ORC4: variants seen among roughly 807,000 people sequenced by gnomAD.
ORC4 encodes origin recognition complex subunit 4, also known as origin recognition complex, subunit 4 homolog.
ORC4 carries 55 observed loss-of-function variants against 63.9 expected under a neutral mutation model. That is an observed-to-expected ratio of 0.86 (90% CI 0.69 to 1.08). ORC4 has a LOEUF of 1.08. Ranked by LOEUF, ORC4 falls within the 50% of genes least tolerant of loss-of-function variation. The probability of loss-of-function intolerance (pLI) is 0.00; values close to 1 mark genes in which losing one functional copy is unlikely to be tolerated. For synonymous variants in ORC4, 150 were observed against 168.5 expected (o/e 0.89, Z 0.85); for missense variants, 511 against 504.4 (o/e 1.01, Z -0.13).
upstream of ORC4, chr2:148,021,407 G>C: frequency 1.9e-6 from 1 of 523,140 alleles, no homozygotes; most frequent in Non-Finnish European, 3.7e-6. Flanking sequence ...GGCCGTGAGA[G>C]GAGGAGAGAA....
intron 9 of ORC4, among the ~76,000 whole-genome samples, chr2:147,945,528 G>T (rs531503022): frequency 6.6e-6 from 1 of 152,148 alleles, no homozygotes; most frequent in Admixed American, 6.6e-5. Context: ...ACAGTACTTT[G>T]GGAGATTTCA....
chr2:147,967,872 G>A (rs1689988881), intron 4 of ORC4, among the ~76,000 whole-genome samples: 1 of 152,056 alleles, frequency 6.6e-6, no homozygotes, highest in African/African-American at 2.4e-5. Context: ...TAAGGCTGGA[G>A]TCAACATACT....
At chr2:147,938,248 A>G (rs1688165672) in intron 12 of ORC4, 35 bp from the exon 13 acceptor site, 3 of 1,596,254 alleles carry the variant, frequency 1.9e-6, no homozygotes, top group East Asian at 2.2e-5. Context: ...TATACCTTCA[A>G]ATAAGCAGTG....
At chr2:147,939,280 G>T in intron 10 of ORC4, 32 bp from the exon 11 acceptor site, 1 of 1,350,156 alleles carries the variant, frequency 7.4e-7, no homozygotes, top group Non-Finnish European at 1.1e-6. Context: ...AAACAATTAC[G>T]TATTTACATG....
At chr2:147,997,854 G>A (rs114218781) in intron 1 of ORC4, among the ~76,000 whole-genome samples, 1,836 of 152,156 alleles carry the variant, frequency 0.012, 43 homozygotes, top group African/African-American at 0.042. Context: ...ATTTCTAAGT[G>A]TAAATTATGA....
intron 1 of ORC4, among the ~76,000 whole-genome samples, chr2:148,017,788 T>C (rs1410627440): frequency 1.3e-5 from 2 of 152,234 alleles, no homozygotes; most frequent in East Asian, 3.8e-4. Flanking sequence ...CTGAATCAAG[T>C]GTCAGTTTTT....
At chr2:148,006,308 T>TA (rs1692625192) in intron 1 of ORC4, among the ~76,000 whole-genome samples, 1 of 89,764 alleles carries the variant, frequency 1.1e-5, no homozygotes, top group African/African-American at 5.8e-5. Flanking sequence ...AGAGAAATCC[T>TA]CCCCCCAAGG....
At chr2:147,953,485 A>G (rs1689077418) in intron 7 of ORC4, among the ~76,000 whole-genome samples, 1 of 152,226 alleles carries the variant, frequency 6.6e-6, no homozygotes, top group South Asian at 2.1e-4. Context: ...AAACACTTTA[A>G]GATTAAAATA....
chr2:148,016,501 C>T (rs188046215), intron 1 of ORC4, among the ~76,000 whole-genome samples: 56 of 152,284 alleles, frequency 3.7e-4, no homozygotes, highest in African/African-American at 1.3e-3. Flanking sequence ...ACTGCACAAC[C>T]AACACTTCAA....
chr2:147,972,164 C>G (rs1196285131), intron 4 of ORC4, among the ~76,000 whole-genome samples: 1 of 151,990 alleles, frequency 6.6e-6, no homozygotes, highest in African/African-American at 2.4e-5. Flanking sequence ...GTAAGAATAT[C>G]TTTTTGAGGT....
At chr2:148,015,372 T>A (rs1573906819) in intron 1 of ORC4, among the ~76,000 whole-genome samples, 2 of 143,644 alleles carry the variant, frequency 1.4e-5, no homozygotes. Flanking sequence ...TGGGCTGCAG[T>A]GGCGCGATCT....
At chr2:148,016,246 T>C (rs192979346) in intron 1 of ORC4, among the ~76,000 whole-genome samples, 3 of 152,278 alleles carry the variant, frequency 2.0e-5, no homozygotes, top group African/African-American at 4.8e-5. Context: ...ACCAGCTCAG[T>C]GGCTGGACCG....
chr2:147,943,039 T>C (rs1245079876), intron 10 of ORC4, among the ~76,000 whole-genome samples: 1 of 152,144 alleles, frequency 6.6e-6, no homozygotes, highest in Non-Finnish European at 1.5e-5. Flanking sequence ...AAATTAAATA[T>C]TGGTATACAC....
intron 4 of ORC4, among the ~76,000 whole-genome samples, chr2:147,972,012 G>C (rs1436023812): frequency 6.6e-6 from 1 of 151,920 alleles, no homozygotes; most frequent in Non-Finnish European, 1.5e-5. Context: ...GTCAAAAATT[G>C]AAATTTATTG....
intron 1 of ORC4, among the ~76,000 whole-genome samples, chr2:147,991,181 G>A (rs1691568255): frequency 6.6e-6 from 1 of 151,656 alleles, no homozygotes; most frequent in Admixed American, 6.6e-5. Context: ...CTGAGTAGCT[G>A]GGATTACAGG....
chr2:148,006,986 T>G lies in ORC4; in HGVS notation c.-18+13647A>C, dbSNP rs79626818. The stretch of plus-strand genomic sequence containing the variant: ...GACTCTGCCTGGTAACCCAGGGAAT[T>G]CTCCCAATTATCTTCCCAAGTCCAT... On this transcript the variant is annotated intron_variant, in intron 1 of 13. Coordinates refer to ENST00000392857, the MANE Select transcript of ORC4 (RefSeq NM_181741.4). 4.6e-3 allele frequency among the ~76,000 whole-genome samples: 696 copies of G among 152,306 alleles called. 3 individuals are homozygous for G. Among genetic ancestry groups the G allele is most frequent in the African/African-American group, 0.016 (648 of 41,564 alleles).
intron 1 of ORC4, among the ~76,000 whole-genome samples, chr2:147,996,571 C>A (rs951396212): frequency 6.6e-6 from 1 of 152,122 alleles, no homozygotes; most frequent in Admixed American, 6.5e-5. Flanking sequence ...AAGAACTCAA[C>A]AAGGAAATAA....
chr2:147,951,479 G>A (rs1424300224), intron 8 of ORC4: 1 of 152,140 alleles, frequency 6.6e-6, no homozygotes, highest in African/African-American at 2.4e-5. Context: ...GGATAGATTA[G>A]TTCTTGAGAC....
intron 7 of ORC4, among the ~76,000 whole-genome samples, chr2:147,953,228 T>G (rs1322312136): frequency 6.7e-6 from 1 of 150,326 alleles, no homozygotes; most frequent in Non-Finnish European, 1.5e-5. Flanking sequence ...TCTCTTGAAC[T>G]GCGGAGGCAG....
Sources: gnomAD v4.1 joint callset for allele counts (sites outside exome capture counted in the v4.1 genomes callset) on GRCh38, gnomAD v4.1.1 for gene constraint, MANE v1.5 for transcripts, NCBI Gene and HGNC (gene_info 2026-07-23, HGNC 2026-07-21) for gene names.